CEP135: variants seen among roughly 807,000 people sequenced by gnomAD.
CEP135 encodes the protein centrosomal protein 135.
Under a neutral mutation model 157.3 loss-of-function variants are expected in CEP135, and 142 were observed. The ratio of observed to expected loss-of-function variants is 0.90; its 90% CI spans 0.79 to 1.04. The LOEUF is 1.04. Ranked by LOEUF, CEP135 falls within the 50% of genes least tolerant of loss-of-function variation. The probability of loss-of-function intolerance (pLI) is 0.00; values close to 1 mark genes in which losing one functional copy is unlikely to be tolerated. For missense variants in CEP135, 1,317 were observed against 1,309.2 expected (o/e 1.01, Z -0.09); for synonymous variants, 396 against 439.8 (o/e 0.90, Z 1.25).
chr4:56,007,823 C>A (rs746575667), intron 17 of CEP135, among the ~76,000 whole-genome samples: 5 of 152,022 alleles, frequency 3.3e-5, no homozygotes, highest in Non-Finnish European at 7.4e-5. Flanking sequence ...TCTCTGTGGC[C>A]CAGGAACTGA....
Position 55,965,857 on chromosome 4 carries a change from A to G in CEP135, c.1042A>G (p.Lys348Glu). Residue 348 changes from lysine to glutamate, a missense_variant and splice_region_variant, in exon 8 of 26, where the codon AAG (lysine) becomes GAG (glutamate). By Grantham distance (56) the Lys-to-Glu change is moderately conservative. Transcript: ENST00000257287. ...ETADKELGEA[K>E]KEIKRKLSEM... ...TGCTGATAAAGAGCTTGGGGAAGCA[A>G]AGGTAATGAATGATATGTGTAGATT... 6.2e-7 allele frequency: 1 copy of G among 1,609,600 alleles called. No homozygotes were observed. The highest frequency in any genetic ancestry group is 2.2e-5 in the East Asian group (1 of 44,768).
chr4:56,015,701 C>A (rs1730748516), intron 21 of CEP135, among the ~76,000 whole-genome samples: 2 of 152,152 alleles, frequency 1.3e-5, no homozygotes, highest in African/African-American at 4.8e-5. Context: ...ATTTTGGAAG[C>A]AGTTTACTTG....
chr4:55,949,326 A>G (rs767164635), intron 1 of CEP135, among the ~76,000 whole-genome samples: 2 of 152,246 alleles, frequency 1.3e-5, no homozygotes, highest in Non-Finnish European at 2.9e-5. Context: ...CGACTCGTCA[A>G]GGAGCGTCTG....
intron 15 of CEP135, among the ~76,000 whole-genome samples, chr4:55,993,068 A>G (rs1315139148): frequency 2.0e-5 from 3 of 152,216 alleles, no homozygotes; most frequent in Non-Finnish European, 4.4e-5. Context: ...TGAGATCAGA[A>G]AGGATTATAG....
chr4:55,985,947 A>G (rs1426253187), intron 14 of CEP135, among the ~76,000 whole-genome samples: 1 of 152,140 alleles, frequency 6.6e-6, no homozygotes, highest in Non-Finnish European at 1.5e-5. Flanking sequence ...CTCCAAAAAA[A>G]ATCACAAAAT....
chr4:55,994,700 T>A (rs1373552959), intron 15 of CEP135, among the ~76,000 whole-genome samples: 1 of 151,722 alleles, frequency 6.6e-6, no homozygotes, highest in Non-Finnish European at 1.5e-5. Context: ...TTTTTTTTTT[T>A]TTTGAGACGG....
At chr4:55,982,994 G>A (rs1472367470) in intron 13 of CEP135, among the ~76,000 whole-genome samples, 2 of 152,082 alleles carry the variant, frequency 1.3e-5, no homozygotes, top group Admixed American at 6.6e-5. Context: ...GAAAGTAGCA[G>A]CTAAAATTAG....
intron 4 of CEP135, 58 bp downstream of exon 4, chr4:55,954,441 C>A: frequency 7.0e-7 from 1 of 1,423,734 alleles, no homozygotes; most frequent in Non-Finnish European, 9.4e-7. Context: ...ACGATATTAA[C>A]ACCATTGACT....
chr4:56,015,107 A>G (rs1158159122), intron 21 of CEP135, among the ~76,000 whole-genome samples: 1 of 152,182 alleles, frequency 6.6e-6, no homozygotes, highest in Non-Finnish European at 1.5e-5. Context: ...CTATCCAGAT[A>G]GTGTGCTCCA....
At chr4:55,985,499 C>T (rs191371525) in intron 14 of CEP135, 141 bp downstream of exon 14, 40 of 274,542 alleles carry the variant, frequency 1.5e-4, no homozygotes, top group East Asian at 7.6e-4. Context: ...TCTGTTGCCC[C>T]GGTTGGAGTA....
intron 17 of CEP135, among the ~76,000 whole-genome samples, chr4:56,001,025 C>T (rs1280795276): frequency 1.3e-5 from 2 of 152,070 alleles, no homozygotes; most frequent in African/African-American, 4.8e-5. Context: ...CATTTTTTCA[C>T]ATGCTTTTTG....
chr4:56,028,839 T>G (rs1286823152), intron 25 of CEP135, among the ~76,000 whole-genome samples: 1 of 152,176 alleles, frequency 6.6e-6, no homozygotes, highest in Non-Finnish European at 1.5e-5. Context: ...TGATCTCAAT[T>G]TTAACATTTA....
At chr4:56,020,002 A>G (rs1042803681) in intron 23 of CEP135, among the ~76,000 whole-genome samples, 3 of 152,168 alleles carry the variant, frequency 2.0e-5, no homozygotes, top group Non-Finnish European at 2.9e-5. Context: ...GACTCGGGAG[A>G]AACATCGTGT....
At chr4:55,965,400 A>G in intron 7 of CEP135, 1 of 370,598 alleles carries the variant, frequency 2.7e-6, no homozygotes, top group Non-Finnish European at 4.9e-6. Context: ...CTGTATTGGG[A>G]AAAAGTTCAC....
At chr4:56,011,177 G>A (rs1482516717) in intron 19 of CEP135, among the ~76,000 whole-genome samples, 1 of 152,202 alleles carries the variant, frequency 6.6e-6, no homozygotes, top group Non-Finnish European at 1.5e-5. Flanking sequence ...CGAGGCTGCA[G>A]TGAGCTGTGA....
Position 55,957,295 on chromosome 4 carries a change from T to C in CEP135, c.545T>C (p.Val182Ala). The change falls in exon 5 of 26, where the codon GTC (valine) becomes GCC (alanine). Residue 182 changes from valine (V) to alanine (A), a missense_variant. By Grantham distance (64) the Val-to-Ala change is moderately conservative. Transcript: ENST00000257287. ...QIDEPVPPSE[V>A]SSYPVPQPDD... ...GATGAACCGGTTCCTCCCTCTGAAG[T>C]CAGTTCATATCCAGTTCCTCAACCA... 1 of 1,614,106 alleles carries C rather than the reference T, an allele frequency of 6.2e-7. No individual in the cohort carries two copies. Among genetic ancestry groups the C allele is most frequent in the Non-Finnish European group, 8.5e-7 (1 of 1,179,970 alleles).
intron 24 of CEP135, among the ~76,000 whole-genome samples, chr4:56,023,798 T>C (rs1246656845): frequency 7.1e-6 from 1 of 141,482 alleles, no homozygotes; most frequent in Non-Finnish European, 1.5e-5. Context: ...AGTATATTTA[T>C]ATATTACATA....
rs1464541492 is a variant in CEP135 at position 55,980,310 on chromosome 4, A to C, written c.1626+15A>C. ...TATATAATGAAGTAAGAAATGTATT[A>C]TAATTAAGCCAATAGATTGTATAGA... On this transcript the variant is annotated intron_variant, in intron 12 of 25. Coordinates refer to ENST00000257287, the MANE Select transcript of CEP135 (RefSeq NM_025009.5). 7 of 1,453,052 alleles carry C rather than the reference A, an allele frequency of 4.8e-6. No homozygotes were observed. The highest frequency in any genetic ancestry group is 4.3e-5 in the African/African-American group (3 of 70,322). The allele number at this position is 1,453,052 out of a possible 1,614,324, so 90.0% of individuals were successfully genotyped here. A position where few individuals can be genotyped will look rare whatever the true frequency, so the allele number is the denominator to read the frequency against.
chr4:55,949,238 C>T lies in CEP135; in HGVS notation c.-46+179C>T, dbSNP rs190469633. Among the ~76,000 whole-genome samples, 18 of 152,286 alleles carry T rather than the reference C, an allele frequency of 1.2e-4. No individual in the cohort carries two copies. The East Asian group carries it at 3.5e-3, about 30-fold the overall frequency. The stretch of plus-strand genomic sequence containing the variant: ...GGGCGCGGGGACTCTTCCCACCCAC[C>T]CCGCTCCCACACCCCCTTCCCGTCA... On this transcript the variant is annotated intron_variant, in intron 1 of 25. Coordinates refer to ENST00000257287, the MANE Select transcript of CEP135 (RefSeq NM_025009.5).
Sources: gnomAD v4.1 joint callset for allele counts (sites outside exome capture counted in the v4.1 genomes callset) on GRCh38, gnomAD v4.1.1 for gene constraint, MANE v1.5 for transcripts, NCBI Gene and HGNC (gene_info 2026-07-23, HGNC 2026-07-21) for gene names.